SLC22A23: variants seen among roughly 807,000 people sequenced by gnomAD.
SLC22A23 encodes the protein ion transporter protein.
SLC22A23 carries 26 observed loss-of-function variants against 61.0 expected under a neutral mutation model. The ratio of observed to expected loss-of-function variants is 0.43; its 90% CI spans 0.31 to 0.59. The LOEUF (loss-of-function observed/expected upper bound fraction) is 0.59. Ranked by LOEUF, SLC22A23 falls within the 20% of genes least tolerant of loss-of-function variation. The probability of loss-of-function intolerance (pLI) is 0.11; values close to 1 mark genes in which losing one functional copy is unlikely to be tolerated. For missense variants in SLC22A23, 796 were observed against 934.7 expected (o/e 0.85, Z 1.94); for synonymous variants, 430 against 413.9 (o/e 1.04, Z -0.47).
At chr6:3,379,586 G>A (rs1006657738) in intron 3 of SLC22A23, among the ~76,000 whole-genome samples, 1 of 152,134 alleles carries the variant, frequency 6.6e-6, no homozygotes, top group Non-Finnish European at 1.5e-5. Context: ...TTTAGCTTAG[G>A]TGAAAGAGAA....
At chr6:3,276,994 G>A (rs1036199052) in intron 9 of SLC22A23, 3 of 152,248 alleles carry the variant, frequency 2.0e-5, no homozygotes, top group African/African-American at 7.2e-5. Flanking sequence ...ACAGGGATGA[G>A]AAAAGCTCCA....
At position 3,273,038 on chromosome 6, in the gene SLC22A23, G is replaced by A. The variant is rs374318304; in HGVS notation, c.*17C>T. 1.9e-5 allele frequency: 29 copies of A among 1,521,706 alleles called. No individual in the cohort carries two copies. The highest frequency in any genetic ancestry group is 8.0e-5 in the Admixed American group (4 of 49,994). 94.3% of individuals were successfully genotyped at this position (1,521,706 alleles called of 1,614,324 possible). A position where few individuals can be genotyped will look rare whatever the true frequency, so the allele number is the denominator to read the frequency against. On this transcript the variant is annotated 3_prime_UTR_variant, in exon 10 of 10. Coordinates refer to ENST00000406686, the MANE Select transcript of SLC22A23 (RefSeq NM_015482.2). ...AAGCTGCCCCAGACCCTGGAGCCCC[G>A]GGTTCCGCAGGCCGGGCTACATGGC...
intron 1 of SLC22A23, among the ~76,000 whole-genome samples, chr6:3,431,348 C>G (rs541194258): frequency 2.0e-5 from 3 of 152,326 alleles, no homozygotes; most frequent in Admixed American, 6.5e-5. Flanking sequence ...TTAGAAATAT[C>G]CTGATCAAGG....
chr6:3,367,753 C>CACTTAAAG (rs1284724233), intron 3 of SLC22A23, among the ~76,000 whole-genome samples: 1 of 152,190 alleles, frequency 6.6e-6, no homozygotes, highest in Non-Finnish European at 1.5e-5. Flanking sequence ...TATTTGTTAG[C>CACTTAAAG]ACTTAAAGAC....
At chr6:3,368,837 T>C (rs150130552) in intron 3 of SLC22A23, among the ~76,000 whole-genome samples, 1 of 152,218 alleles carries the variant, frequency 6.6e-6, no homozygotes, top group Non-Finnish European at 1.5e-5. Context: ...AAGATGTGAG[T>C]TGCCAGGAAG....
intron 4 of SLC22A23, among the ~76,000 whole-genome samples, chr6:3,303,878 G>A (rs890143137): frequency 6.6e-6 from 1 of 152,194 alleles, no homozygotes; most frequent in Non-Finnish European, 1.5e-5. Context: ...TGAGAGAATG[G>A]ATATGCTGCA....
intron 3 of SLC22A23, among the ~76,000 whole-genome samples, chr6:3,343,401 G>T (rs1023582898): frequency 6.6e-6 from 1 of 152,004 alleles, no homozygotes; most frequent in South Asian, 2.1e-4. Context: ...CAGATCTTTG[G>T]ATTTTAAACA....
chr6:3,394,014 C>T (rs1050318018), intron 3 of SLC22A23, among the ~76,000 whole-genome samples: 1 of 152,164 alleles, frequency 6.6e-6, no homozygotes, highest in Non-Finnish European at 1.5e-5. Context: ...AAAAGGAGAG[C>T]TTGGAAACAC....
chr6:3,317,167 T>G lies in SLC22A23; in HGVS notation c.1082+6667A>C, dbSNP rs1315084264. On this transcript the variant is annotated intron_variant, in intron 4 of 9. Transcript: ENST00000406686. This position sits in a 1 kb window ranked among gnomAD's most constrained non-coding sequence, Gnocchi z 4.4. Reference sequence around the variant, plus strand: ...GCGCAGGAAACTTGATGTCACCCTGTCCCACGTATTACCTTCCTGATCTTC... The same window carrying G: ...GCGCAGGAAACTTGATGTCACCCTGGCCCACGTATTACCTTCCTGATCTTC... 6.6e-6 allele frequency among the ~76,000 whole-genome samples: 1 copy of G among 152,212 alleles called. No homozygotes were observed. The highest frequency in any genetic ancestry group is 2.4e-5 in the African/African-American group (1 of 41,456).
chr6:3,318,773 G>C lies in SLC22A23; in HGVS notation c.1082+5061C>G, dbSNP rs540774768. On this transcript the variant is annotated intron_variant, in intron 4 of 9. Coordinates refer to ENST00000406686, the MANE Select transcript of SLC22A23 (RefSeq NM_015482.2). The surrounding 1 kb of genome is among the most constrained non-coding windows in gnomAD (Gnocchi z 4.3). ...CCTCATCCTGTCACCCACCACAGTA[G>C]GATAGCAGGACAGGACTTCAGCCTC... is the stretch of plus-strand genomic sequence containing the variant. Among the ~76,000 whole-genome samples, 2 of 152,294 alleles carry C rather than the reference G, an allele frequency of 1.3e-5. No individual in the cohort carries two copies. The highest frequency in any genetic ancestry group is 2.9e-5 in the Non-Finnish European group (2 of 68,026).
intron 5 of SLC22A23, among the ~76,000 whole-genome samples, chr6:3,295,111 A>G (rs1331989699): frequency 6.6e-6 from 1 of 152,226 alleles, no homozygotes; most frequent in African/African-American, 2.4e-5. Flanking sequence ...TGCTGGGGGC[A>G]CAGAAGTGTC....
chr6:3,278,260 A>T (rs1759095365), intron 9 of SLC22A23, among the ~76,000 whole-genome samples: 1 of 152,230 alleles, frequency 6.6e-6, no homozygotes, highest in African/African-American at 2.4e-5. Flanking sequence ...GCCACCTCTC[A>T]TGCAGGCTGT....
intron 3 of SLC22A23, among the ~76,000 whole-genome samples, chr6:3,364,670 G>A (rs1347443934): frequency 6.6e-6 from 1 of 152,210 alleles, no homozygotes; most frequent in Non-Finnish European, 1.5e-5. Context: ...GCTGGAGGGA[G>A]CAGTTCGCTC....
chr6:3,281,724 A>G lies in SLC22A23; in HGVS notation c.1703+2128T>C, dbSNP rs188904052. Among the ~76,000 whole-genome samples, 175 of 152,214 alleles carry G rather than the reference A, an allele frequency of 1.1e-3. 1 individual carries two copies. The highest frequency in any genetic ancestry group is 8.9e-3 in the Admixed American group (136 of 15,284). On this transcript the variant is annotated intron_variant, in intron 9 of 9. Transcript: ENST00000406686. The stretch of plus-strand genomic sequence containing the variant: ...GGGAATTGTTCCTCAGTCATTTGCA[A>G]GAAAGAGCTGTGGCCTCCCGATGGC...
chr6:3,330,885 G>A lies in SLC22A23; in HGVS notation c.914-6883C>T, dbSNP rs1264772574. Among the ~76,000 whole-genome samples, 1 of 152,174 alleles carries A rather than the reference G, an allele frequency of 6.6e-6. No individual in the cohort carries two copies. The highest frequency in any genetic ancestry group is 1.5e-5 in the Non-Finnish European group (1 of 68,032). ...AGTATTTCTTACAAATCACATTCCA[G>A]TGTCTGCCAGACATGTAGACATAGG... On this transcript the variant is annotated intron_variant, in intron 3 of 9. Coordinates refer to ENST00000406686, the MANE Select transcript of SLC22A23 (RefSeq NM_015482.2). This position sits in a 1 kb window ranked among gnomAD's most constrained non-coding sequence, Gnocchi z 4.7.
intron 5 of SLC22A23, among the ~76,000 whole-genome samples, chr6:3,294,117 CT>C (rs1760864568): frequency 6.6e-6 from 1 of 152,066 alleles, no homozygotes; most frequent in Non-Finnish European, 1.5e-5. Context: ...CTGCTCCCCA[CT>C]GCTCAGCCTC....
intron 3 of SLC22A23, among the ~76,000 whole-genome samples, chr6:3,365,756 T>C (rs1178348314): frequency 1.3e-5 from 2 of 152,124 alleles, no homozygotes; most frequent in Non-Finnish European, 2.9e-5. Flanking sequence ...CTAAAAATTT[T>C]AAAACATTTA....
intron 3 of SLC22A23, among the ~76,000 whole-genome samples, chr6:3,368,731 C>A (rs573260022): frequency 6.2e-4 from 95 of 152,134 alleles, no homozygotes; most frequent in African/African-American, 2.2e-3. Context: ...TGGGGGTGGG[C>A]AAGAACAGTA....
At position 3,360,969 on chromosome 6, in the gene SLC22A23, G is replaced by A. The variant is rs572698146; in HGVS notation, c.914-36967C>T. Reference sequence around the variant, plus strand: ...GGCGCTAGCGAACATCAGCAGCTGCGGGGAGCTCGAGGCAGCAGGGATGTC... The same window carrying A: ...GGCGCTAGCGAACATCAGCAGCTGCAGGGAGCTCGAGGCAGCAGGGATGTC... On this transcript the variant is annotated intron_variant, in intron 3 of 9. Coordinates refer to ENST00000406686, the MANE Select transcript of SLC22A23 (RefSeq NM_015482.2). This position sits in a 1 kb window ranked among gnomAD's most constrained non-coding sequence, Gnocchi z 4.6. 5.3e-5 allele frequency among the ~76,000 whole-genome samples: 8 copies of A among 152,316 alleles called. No individual in the cohort carries two copies. The highest frequency in any genetic ancestry group is 2.1e-4 in the South Asian group (1 of 4,826).
Sources: allele counts gnomAD v4.1 joint callset (sites outside exome capture counted in the v4.1 genomes callset), GRCh38; gene constraint gnomAD v4.1.1; non-coding constraint Gnocchi (gnomAD v3.1); transcripts MANE v1.5; gene names NCBI Gene and HGNC (gene_info 2026-07-23, HGNC 2026-07-21).